SGCD: variants seen among roughly 807,000 people sequenced by gnomAD.
The protein encoded by SGCD is sarcoglycan delta.
A neutral mutation model predicts 36.6 loss-of-function variants in SGCD; 18 were observed. The observed-to-expected ratio is 0.49, with a 90% CI of 0.34 to 0.73. The LOEUF (loss-of-function observed/expected upper bound fraction) is 0.73, where lower values mean the gene tolerates loss of function less well. SGCD is among the 30% of genes least tolerant of loss of function. The pLI, the probability that SGCD is intolerant of heterozygous loss-of-function variation, is 0.01. For synonymous variants in SGCD, 133 were observed against 130.6 expected, an observed-to-expected ratio of 1.02 and a Z score of -0.12; for missense variants, 387 against 346.7, an observed-to-expected ratio of 1.12 and a Z score of -0.92.
intron 1 of SGCD, among the ~76,000 whole-genome samples, chr5:156,086,788 T>C (rs1761105459): frequency 6.6e-6 from 1 of 152,140 alleles, no homozygotes. Flanking sequence ...ATTAAGAAGC[T>C]AAACATAAAA....
At chr5:156,616,561 A>C (rs1762029070) in intron 6 of SGCD, among the ~76,000 whole-genome samples, 1 of 152,176 alleles carries the variant, frequency 6.6e-6, no homozygotes, top group African/African-American at 2.4e-5. Flanking sequence ...ATACTTGATA[A>C]GTTGTCTCTC....
chr5:155,930,958 G>A (rs940492290), intron 1 of SGCD, among the ~76,000 whole-genome samples: 2 of 152,066 alleles, frequency 1.3e-5, no homozygotes, highest in African/African-American at 4.8e-5. Flanking sequence ...ATATAATCTT[G>A]TTTTGAAGTT....
chr5:156,035,762 C>T (rs890271463), intron 1 of SGCD, among the ~76,000 whole-genome samples: 4 of 152,208 alleles, frequency 2.6e-5, no homozygotes, highest in South Asian at 4.1e-4. Flanking sequence ...TTCCATTAGA[C>T]GTGTTTCTGT....
intron 7 of SGCD, among the ~76,000 whole-genome samples, chr5:156,742,110 T>A (rs1256248515): frequency 6.6e-6 from 1 of 152,134 alleles, no homozygotes; most frequent in Non-Finnish European, 1.5e-5. Context: ...TCTCCTGACC[T>A]CGTGATCCAC....
At chr5:156,540,307 A>T (rs1410551410) in intron 4 of SGCD, among the ~76,000 whole-genome samples, 1 of 151,626 alleles carries the variant, frequency 6.6e-6, no homozygotes, top group Non-Finnish European at 1.5e-5. Flanking sequence ...TTTGTCACTT[A>T]TTTTTTTTAG....
At chr5:155,995,068 G>T (rs1173921883) in intron 1 of SGCD, among the ~76,000 whole-genome samples, 1 of 152,122 alleles carries the variant, frequency 6.6e-6, no homozygotes, top group East Asian at 1.9e-4. Flanking sequence ...TAGGTTTTTG[G>T]TAAGCTTCTT....
At chr5:156,710,765 A>G (rs1754953471) in intron 7 of SGCD, among the ~76,000 whole-genome samples, 1 of 152,226 alleles carries the variant, frequency 6.6e-6, no homozygotes, top group Non-Finnish European at 1.5e-5. Context: ...ATGAAGTCTC[A>G]TAGGTGGTCA....
chr5:156,257,849 G>A (rs568626629), intron 3 of SGCD, among the ~76,000 whole-genome samples: 1 of 152,142 alleles, frequency 6.6e-6, no homozygotes, highest in African/African-American at 2.4e-5. Flanking sequence ...GAGAGACAGA[G>A]CGAGAGTCTG....
intron 5 of SGCD, among the ~76,000 whole-genome samples, chr5:156,593,874 A>G (rs1760822745): frequency 1.3e-5 from 2 of 152,340 alleles, no homozygotes; most frequent in Middle Eastern, 3.4e-3. Flanking sequence ...ATTCCATGTC[A>G]GAATCTTCTG....
At chr5:155,863,201 A>G in the SGCD span, among the ~76,000 whole-genome samples, 143,487 of 152,256 alleles carry the variant, frequency 0.94, 67,725 homozygotes, top group East Asian at 1. Context: ...CCATCCAGAT[A>G]CAGAGCTGTT....
intron 7 of SGCD, among the ~76,000 whole-genome samples, chr5:156,653,275 A>G: frequency 7.9e-6 from 1 of 125,944 alleles, no homozygotes; most frequent in Admixed American, 9.0e-5. Flanking sequence ...TCAGAACTTG[A>G]TATTCATTCT....
chr5:155,819,424 G>A, the SGCD span, among the ~76,000 whole-genome samples: 1 of 152,108 alleles, frequency 6.6e-6, no homozygotes, highest in African/African-American at 2.4e-5. Context: ...GAGTAGAAAT[G>A]TGTCATGTGA....
At chr5:156,030,676 T>A (rs1382966474) in intron 1 of SGCD, among the ~76,000 whole-genome samples, 1 of 152,102 alleles carries the variant, frequency 6.6e-6, no homozygotes, top group Non-Finnish European at 1.5e-5. Context: ...AATGCTTTTG[T>A]TGTTCTGAGA....
intron 1 of SGCD, among the ~76,000 whole-genome samples, chr5:155,929,207 C>T (rs1333732130): frequency 6.6e-6 from 1 of 152,040 alleles, no homozygotes; most frequent in African/African-American, 2.4e-5. Context: ...GATCTAAAGT[C>T]TGACATGTTC....
chr5:155,849,440 G>GCACA, the SGCD span, among the ~76,000 whole-genome samples: 2 of 139,728 alleles, frequency 1.4e-5, no homozygotes. Flanking sequence ...ACACACATGT[G>GCACA]CGCGCGCACA....
intron 1 of SGCD, among the ~76,000 whole-genome samples, chr5:155,906,244 C>T (rs3097821): frequency 0.43 from 64,729 of 151,884 alleles, 15,199 homozygotes; most frequent in Non-Finnish European, 0.54. Context: ...ACCTGCAGGC[C>T]GTTTCCCCTC....
At chr5:155,832,310 A>T in the SGCD span, among the ~76,000 whole-genome samples, 11 of 151,756 alleles carry the variant, frequency 7.2e-5, no homozygotes, top group Admixed American at 2.0e-4. Flanking sequence ...TGAATGATCC[A>T]CTCCCTCACC....
In SGCD at chr5:156,484,541, C is replaced by T. The variant is rs201594519; in HGVS notation, c.193-24060C>T. Among the ~76,000 whole-genome samples the T allele has an allele frequency of 8.1e-4, 124 of 152,314 alleles. 1 individual carries two copies. The highest frequency in any genetic ancestry group is 2.9e-3 in the African/African-American group (119 of 41,566). On this transcript the variant is annotated intron_variant, in intron 3 of 8. Coordinates refer to ENST00000337851, the MANE Select transcript of SGCD (RefSeq NM_000337.6). ...AAGGAAGAAAGTATTGAATTATTCCCTAAGCTAGTATCTTAATTATATAAT... is the reference window on the plus strand; with the variant it reads ...AAGGAAGAAAGTATTGAATTATTCCTTAAGCTAGTATCTTAATTATATAAT...
chr5:156,387,361 C>A (rs1487165647), intron 3 of SGCD, among the ~76,000 whole-genome samples: 3 of 152,186 alleles, frequency 2.0e-5, no homozygotes, highest in African/African-American at 7.2e-5. Context: ...ATGCTACACC[C>A]TGGCAAATGA....
Sources: gnomAD v4.1 joint callset for allele counts (sites outside exome capture counted in the v4.1 genomes callset) on GRCh38, gnomAD v4.1.1 for gene constraint, MANE v1.5 for transcripts, NCBI Gene and HGNC (gene_info 2026-07-23, HGNC 2026-07-21) for gene names.